LRRTM4: variants seen among roughly 807,000 people sequenced by gnomAD.
LRRTM4 encodes leucine rich repeat transmembrane neuronal 4, also known as leucine-rich repeat transmembrane neuronal protein 4.
In LRRTM4, 25 loss-of-function variants were observed where a neutral mutation model predicts 47.6. The ratio of observed to expected loss-of-function variants is 0.53; its 90% CI spans 0.38 to 0.73. The LOEUF (loss-of-function observed/expected upper bound fraction) is 0.73, where lower values mean the gene tolerates loss of function less well. Among genes scored for constraint, LRRTM4 ranks in the 30% least tolerant of loss-of-function variants. LRRTM4 has a pLI of 0.00. For synonymous variants in LRRTM4, 311 were observed against 269.5 expected (o/e 1.15, Z -1.51); for missense variants, 638 against 713.4 (o/e 0.89, Z 1.20).
intron 3 of LRRTM4, among the ~76,000 whole-genome samples, chr2:76,810,447 C>G (rs1378776095): frequency 6.6e-6 from 1 of 152,052 alleles, no homozygotes; most frequent in Admixed American, 6.6e-5. Flanking sequence ...ATTATTTTTG[C>G]TCTTATGTTT....
At chr2:77,307,103 T>G (rs1395679874) in intron 3 of LRRTM4, among the ~76,000 whole-genome samples, 2 of 151,734 alleles carry the variant, frequency 1.3e-5, no homozygotes, top group African/African-American at 2.4e-5. Context: ...GGTTTCACTG[T>G]GTTAGCCAGG....
intron 3 of LRRTM4, among the ~76,000 whole-genome samples, chr2:77,321,233 C>A (rs927434345): frequency 2.0e-5 from 3 of 152,018 alleles, no homozygotes; most frequent in African/African-American, 7.2e-5. Flanking sequence ...GACAGAGATT[C>A]CCCTCTGCAT....
chr2:77,373,092 T>A (rs868744202), intron 3 of LRRTM4, among the ~76,000 whole-genome samples: 11,696 of 116,310 alleles, frequency 0.1, 630 homozygotes, highest in Non-Finnish European at 0.14. Context: ...AAAAAAAATA[T>A]ATATATATAT....
chr2:77,174,558 A>G (rs1673139373), intron 3 of LRRTM4, among the ~76,000 whole-genome samples: 1 of 152,166 alleles, frequency 6.6e-6, no homozygotes, highest in Non-Finnish European at 1.5e-5. Flanking sequence ...TGCAGTCATC[A>G]CCAAGAAATT....
At chr2:77,419,345 A>G (rs912091531) in intron 3 of LRRTM4, among the ~76,000 whole-genome samples, 3 of 152,164 alleles carry the variant, frequency 2.0e-5, no homozygotes, top group Admixed American at 6.5e-5. Flanking sequence ...CTCGGTATCT[A>G]TGGGGGATTG....
At chr2:77,425,608 A>G (rs748882652) in intron 3 of LRRTM4, among the ~76,000 whole-genome samples, 2 of 152,216 alleles carry the variant, frequency 1.3e-5, no homozygotes, top group Non-Finnish European at 2.9e-5. Flanking sequence ...ATAATCATAT[A>G]TGTACCAATT....
At chr2:76,838,983 G>A (rs1215765752) in intron 3 of LRRTM4, among the ~76,000 whole-genome samples, 1 of 152,052 alleles carries the variant, frequency 6.6e-6, no homozygotes, top group Admixed American at 6.6e-5. Context: ...TGAAATACAT[G>A]TGTCTATTTC....
intron 3 of LRRTM4, among the ~76,000 whole-genome samples, chr2:76,919,544 T>C (rs1674368708): frequency 6.6e-6 from 1 of 152,146 alleles, no homozygotes; most frequent in African/African-American, 2.4e-5. Flanking sequence ...TGTAAGGATA[T>C]GATGTTTGAA....
chr2:77,457,004 G>GTGTATA (rs1192297417), intron 3 of LRRTM4, among the ~76,000 whole-genome samples: 46 of 23,100 alleles, frequency 2.0e-3, no homozygotes, highest in Non-Finnish European at 2.8e-3. Context: ...GTGTGTGTGT[G>GTGTATA]TATATATATA....
intron 3 of LRRTM4, among the ~76,000 whole-genome samples, chr2:77,414,393 C>G (rs907247245): frequency 4.6e-5 from 7 of 152,124 alleles, no homozygotes; most frequent in South Asian, 2.1e-4. Flanking sequence ...ACTATGTGAA[C>G]AGTTTATTTA....
intron 3 of LRRTM4, among the ~76,000 whole-genome samples, chr2:77,128,340 T>G (rs1197314732): frequency 6.6e-6 from 1 of 152,082 alleles, no homozygotes; most frequent in East Asian, 1.9e-4. Context: ...ATTTGATATC[T>G]GGATTTAGAA....
At chr2:77,250,179 A>T (rs1165675104) in intron 3 of LRRTM4, among the ~76,000 whole-genome samples, 7 of 152,204 alleles carry the variant, frequency 4.6e-5, no homozygotes, top group Non-Finnish European at 8.8e-5. Flanking sequence ...AGGGAGGTAT[A>T]CCATGGCAGT....
intron 3 of LRRTM4, among the ~76,000 whole-genome samples, chr2:77,446,184 C>T (rs1020788546): frequency 6.6e-6 from 1 of 151,948 alleles, no homozygotes; most frequent in Non-Finnish European, 1.5e-5. Flanking sequence ...AAATAAAATG[C>T]TATGGGTTTT....
At chr2:76,768,512 A>C (rs965662826) in intron 3 of LRRTM4, among the ~76,000 whole-genome samples, 3 of 152,288 alleles carry the variant, frequency 2.0e-5, no homozygotes, top group African/African-American at 7.2e-5. Context: ...CTAGAGATAC[A>C]CAAATTATCC....
At chr2:77,067,722 T>TAC (rs1558560378) in intron 3 of LRRTM4, among the ~76,000 whole-genome samples, 7 of 120,462 alleles carry the variant, frequency 5.8e-5, no homozygotes, top group African/African-American at 3.1e-4. Flanking sequence ...CACACATACA[T>TAC]ATTTCAGGAA....
intron 3 of LRRTM4, among the ~76,000 whole-genome samples, chr2:76,959,308 G>GACC (rs1488559346): frequency 6.6e-6 from 1 of 151,350 alleles, no homozygotes; most frequent in Non-Finnish European, 1.5e-5. Context: ...TGAATATAGG[G>GACC]ACCTAGCATG....
chr2:77,417,358 G>C (rs1443994218), intron 3 of LRRTM4, among the ~76,000 whole-genome samples: 1 of 152,180 alleles, frequency 6.6e-6, no homozygotes, highest in African/African-American at 2.4e-5. Flanking sequence ...TCTAGAACTA[G>C]AAATACCATT....
chr2:77,375,886 T>A (rs987854024), intron 3 of LRRTM4, among the ~76,000 whole-genome samples: 7 of 151,850 alleles, frequency 4.6e-5, no homozygotes, highest in Non-Finnish European at 1.0e-4. Context: ...TCACCTTGCA[T>A]AACTGAAACT....
chr2:76,920,549 G>A (rs569115824), intron 3 of LRRTM4, among the ~76,000 whole-genome samples: 1 of 152,170 alleles, frequency 6.6e-6, no homozygotes, highest in East Asian at 1.9e-4. Context: ...GTCACACTAG[G>A]TGATTTGTAG....
Sources: gnomAD v4.1 joint callset for allele counts (sites outside exome capture counted in the v4.1 genomes callset) on GRCh38, gnomAD v4.1.1 for gene constraint, MANE v1.5 for transcripts, NCBI Gene and HGNC (gene_info 2026-07-23, HGNC 2026-07-21) for gene names.